DENND1A: variants seen among roughly 807,000 people sequenced by gnomAD.
DENND1A encodes the protein DENN domain-containing protein 1A.
In DENND1A, 51 loss-of-function variants were observed where a neutral mutation model predicts 113.7. The ratio of observed to expected loss-of-function variants is 0.45; its 90% CI spans 0.36 to 0.57. DENND1A has a LOEUF of 0.57. DENND1A is among the 20% of genes least tolerant of loss of function. The pLI is 0.00. For missense variants in DENND1A, 1,258 were observed against 1,395.9 expected (o/e 0.90, Z 1.57); for synonymous variants, 565 against 570.8 (o/e 0.99, Z 0.14).
intron 7 of DENND1A, among the ~76,000 whole-genome samples, chr9:123,667,903 AGT>A (rs1013199556): frequency 3.3e-5 from 5 of 152,076 alleles, no homozygotes; most frequent in African/African-American, 1.2e-4. Flanking sequence ...GATGACTAAG[AGT>A]GGAGAAATTC....
intron 2 of DENND1A, among the ~76,000 whole-genome samples, chr9:123,822,905 AG>A (rs1838711536): frequency 1.3e-5 from 2 of 152,214 alleles, no homozygotes; most frequent in Non-Finnish European, 2.9e-5. Flanking sequence ...CTTACGATAC[AG>A]GGGGCAGGGA....
At chr9:123,855,954 T>C (rs1275320984) in intron 2 of DENND1A, among the ~76,000 whole-genome samples, 3 of 152,080 alleles carry the variant, frequency 2.0e-5, no homozygotes. Flanking sequence ...GGAAAATCGC[T>C]TGAACCCGGG....
At chr9:123,601,435 A>C (rs1262604106) in intron 11 of DENND1A, among the ~76,000 whole-genome samples, 1 of 152,196 alleles carries the variant, frequency 6.6e-6, no homozygotes, top group East Asian at 1.9e-4. Context: ...AAATCTATCC[A>C]CTCAATCCAG....
chr9:123,734,898 T>C (rs1300282947), intron 5 of DENND1A, among the ~76,000 whole-genome samples: 1 of 152,220 alleles, frequency 6.6e-6, no homozygotes, highest in Non-Finnish European at 1.5e-5. Context: ...AGGTAAAACT[T>C]GTGTAGGAAC....
chr9:123,617,736 G>A (rs562538027), intron 10 of DENND1A, among the ~76,000 whole-genome samples: 22 of 152,272 alleles, frequency 1.4e-4, no homozygotes, highest in African/African-American at 5.3e-4. Context: ...CAGGAGACAG[G>A]GCTCTCTGCT....
At chr9:123,663,563 T>C (rs1055392728) in intron 8 of DENND1A, among the ~76,000 whole-genome samples, 1 of 151,896 alleles carries the variant, frequency 6.6e-6, no homozygotes, top group Non-Finnish European at 1.5e-5. Context: ...GCCTCCTTCA[T>C]AGCTACACAT....
intron 5 of DENND1A, among the ~76,000 whole-genome samples, chr9:123,692,957 T>G (rs973271585): frequency 6.6e-6 from 1 of 152,196 alleles, no homozygotes; most frequent in African/African-American, 2.4e-5. Context: ...CTCAGAGACA[T>G]GAAGTGACTT....
chr9:123,383,527 A>G (rs576290783), intron 23 of DENND1A, 128 bp downstream of exon 23: 1 of 1,427,616 alleles, frequency 7.0e-7, no homozygotes, highest in South Asian at 1.3e-5. Flanking sequence ...ACTGACCCTG[A>G]GCATTGGCTG....
At chr9:123,622,152 A>G (rs1053175729) in intron 10 of DENND1A, among the ~76,000 whole-genome samples, 4 of 152,242 alleles carry the variant, frequency 2.6e-5, no homozygotes, top group South Asian at 4.1e-4. Flanking sequence ...CAGTTCAACA[A>G]TGCCCTCAAA....
intron 7 of DENND1A, among the ~76,000 whole-genome samples, chr9:123,670,878 G>A (rs1393701323): frequency 6.6e-6 from 1 of 152,204 alleles, no homozygotes; most frequent in Non-Finnish European, 1.5e-5. Flanking sequence ...CTGGCAAACA[G>A]GGGAGAGGCA....
intron 1 of DENND1A, among the ~76,000 whole-genome samples, chr9:123,921,043 T>A (rs902724705): frequency 6.6e-6 from 1 of 152,122 alleles, no homozygotes; most frequent in Non-Finnish European, 1.5e-5. Context: ...CTACACGTCA[T>A]CCTAACATTC....
chr9:123,471,108 G>A (rs1289402282), intron 13 of DENND1A, among the ~76,000 whole-genome samples: 1 of 152,208 alleles, frequency 6.6e-6, no homozygotes, highest in Non-Finnish European at 1.5e-5. Context: ...GTTGTTTCTA[G>A]ATATAGAAAA....
intron 9 of DENND1A, among the ~76,000 whole-genome samples, chr9:123,632,679 AG>A (rs879609915): frequency 2.0e-5 from 3 of 152,094 alleles, no homozygotes; most frequent in African/African-American, 7.2e-5. Flanking sequence ...CTAGCTTTAC[AG>A]CAGCCATCTG....
intron 5 of DENND1A, among the ~76,000 whole-genome samples, chr9:123,735,471 CAG>C (rs1319239666): frequency 1.3e-5 from 2 of 152,162 alleles, no homozygotes; most frequent in African/African-American, 4.8e-5. Flanking sequence ...CACTCACTTG[CAG>C]AGACTTCCCG....
chr9:123,779,348 T>C (rs1009409583), intron 3 of DENND1A, among the ~76,000 whole-genome samples: 12 of 152,210 alleles, frequency 7.9e-5, no homozygotes, highest in Non-Finnish European at 1.3e-4. Context: ...TCCAGGACTT[T>C]ATCTTTCTCC....
At chr9:123,608,060 A>G (rs2060251294) in intron 11 of DENND1A, among the ~76,000 whole-genome samples, 1 of 152,214 alleles carries the variant, frequency 6.6e-6, no homozygotes, top group East Asian at 1.9e-4. Flanking sequence ...AAAACACAGA[A>G]GAAATCTCTT....
intron 21 of DENND1A, among the ~76,000 whole-genome samples, chr9:123,390,693 G>A (rs1231286096): frequency 9.9e-5 from 15 of 152,234 alleles, no homozygotes; most frequent in East Asian, 5.8e-4. Context: ...AGGTGACCAC[G>A]TGGCCAAGAA....
intron 9 of DENND1A, among the ~76,000 whole-genome samples, chr9:123,651,411 C>CGT (rs2062648964): frequency 2.0e-5 from 3 of 152,378 alleles, no homozygotes; most frequent in East Asian, 3.9e-4. Context: ...CGCACATGCG[C>CGT]GCACACACAC....
At chr9:123,733,415 G>A (rs1256601411) in intron 5 of DENND1A, among the ~76,000 whole-genome samples, 4 of 152,036 alleles carry the variant, frequency 2.6e-5, no homozygotes, top group Non-Finnish European at 5.9e-5. Flanking sequence ...AAGTAATTGG[G>A]ACTACAGGTA....
Sources: gnomAD v4.1 joint callset for allele counts (sites outside exome capture counted in the v4.1 genomes callset) on GRCh38, gnomAD v4.1.1 for gene constraint, MANE v1.5 for transcripts, NCBI Gene and HGNC (gene_info 2026-07-23, HGNC 2026-07-21) for gene names.